Variants in CSMD1 observed in about 807,000 individuals in gnomAD.
CSMD1 encodes the protein CUB and sushi domain-containing protein 1.
A neutral mutation model predicts 417.5 loss-of-function variants in CSMD1; 213 were observed. The observed-to-expected ratio is 0.51, with a 90% CI of 0.46 to 0.57. CSMD1 has a LOEUF of 0.57. CSMD1 is among the 20% of genes least tolerant of loss of function. The pLI is 0.00. For synonymous variants in CSMD1, 2,862 were observed against 1,736.8 expected, an observed-to-expected ratio of 1.65 and a Z score of -16.11; for missense variants, 6,923 against 4,529.7, an observed-to-expected ratio of 1.53 and a Z score of -15.17.
intron 7 of CSMD1, among the ~76,000 whole-genome samples, chr8:3,653,987 G>C (rs551210381): frequency 2.0e-5 from 3 of 152,142 alleles, no homozygotes; most frequent in Admixed American, 1.3e-4. Context: ...AATGTGATTT[G>C]AACTTGGATC....
chr8:4,420,151 G>C (rs760181702), intron 2 of CSMD1, 86 bp from the exon 3 acceptor site: 8 of 847,806 alleles, frequency 9.4e-6, no homozygotes, highest in East Asian at 2.7e-5. Flanking sequence ...TGAATAACTT[G>C]AACAGTGGTA....
At chr8:3,464,388 C>T (rs1037253057) in intron 12 of CSMD1, among the ~76,000 whole-genome samples, 1 of 152,000 alleles carries the variant, frequency 6.6e-6, no homozygotes, top group African/African-American at 2.4e-5. Context: ...ATGAGGGAAC[C>T]CAACTTTCAA....
intron 26 of CSMD1, among the ~76,000 whole-genome samples, chr8:3,275,118 G>GGCCT (rs1802179250): frequency 6.6e-6 from 1 of 152,064 alleles, no homozygotes; most frequent in South Asian, 2.1e-4. Flanking sequence ...TGTTAGTGAA[G>GGCCT]GCCTGGTAGT....
intron 2 of CSMD1, among the ~76,000 whole-genome samples, chr8:4,464,598 T>G (rs1410090709): frequency 6.6e-6 from 1 of 152,174 alleles, no homozygotes; most frequent in South Asian, 2.1e-4. Flanking sequence ...CTGAACGTGT[T>G]ATTACTTTCA....
At chr8:3,752,636 A>AACTC (rs1797403184) in intron 6 of CSMD1, among the ~76,000 whole-genome samples, 5 of 146,630 alleles carry the variant, frequency 3.4e-5, no homozygotes, top group Non-Finnish European at 7.4e-5. Flanking sequence ...CCCAGACAAC[A>AACTC]GAGCAAGACT....
At chr8:4,160,733 C>T (rs1797107535) in intron 3 of CSMD1, among the ~76,000 whole-genome samples, 1 of 152,200 alleles carries the variant, frequency 6.6e-6, no homozygotes, top group Admixed American at 6.5e-5. Context: ...CAATTATTTT[C>T]TATAAGGTGA....
intron 55 of CSMD1, among the ~76,000 whole-genome samples, chr8:2,976,761 T>C (rs1248676666): frequency 6.6e-6 from 1 of 152,234 alleles, no homozygotes; most frequent in Non-Finnish European, 1.5e-5. Flanking sequence ...CACCTTTTCC[T>C]AAATCTTCAG....
chr8:4,841,826 G>GCTTGAACCTGGGAGGTGGAGGTTA (rs1800851308), intron 1 of CSMD1, among the ~76,000 whole-genome samples: 1 of 142,086 alleles, frequency 7.0e-6, no homozygotes, highest in Non-Finnish European at 1.5e-5. Context: ...CAGGAGAATC[G>GCTTGAACCTGGGAGGTGGAGGTTA]CTTGAACCTG....
intron 49 of CSMD1, among the ~76,000 whole-genome samples, chr8:3,082,601 C>T (rs768262954): frequency 1.3e-5 from 2 of 152,208 alleles, no homozygotes; most frequent in East Asian, 1.9e-4. Flanking sequence ...CAGTGCGTAA[C>T]TCAGAGCTAA....
chr8:4,401,231 G>A (rs1804625075), intron 3 of CSMD1, among the ~76,000 whole-genome samples: 1 of 152,086 alleles, frequency 6.6e-6, no homozygotes, highest in South Asian at 2.1e-4. Flanking sequence ...ATGAATTTCA[G>A]CATTGTATGC....
chr8:4,238,672 G>A (rs927814121), intron 3 of CSMD1, among the ~76,000 whole-genome samples: 1 of 152,106 alleles, frequency 6.6e-6, no homozygotes, highest in African/African-American at 2.4e-5. Flanking sequence ...AACAACCCTG[G>A]ACTATCCTTG....
At chr8:3,327,938 C>G (rs1276205761) in intron 23 of CSMD1, among the ~76,000 whole-genome samples, 2 of 152,002 alleles carry the variant, frequency 1.3e-5, no homozygotes, top group African/African-American at 4.8e-5. Flanking sequence ...TGTAAATGAC[C>G]AATGCCCTAC....
At chr8:3,905,104 G>A (rs1298738861) in intron 5 of CSMD1, among the ~76,000 whole-genome samples, 3 of 151,880 alleles carry the variant, frequency 2.0e-5, no homozygotes, top group Non-Finnish European at 2.9e-5. Flanking sequence ...GGAAACTGAG[G>A]CAATTTTAAT....
Position 3,219,251 on chromosome 8 carries a change from A to G in CSMD1, c.4672+4T>C, listed in dbSNP as rs777061722. 7 of 1,583,558 alleles carry G rather than the reference A, an allele frequency of 4.4e-6. No individual in the cohort carries two copies. Among genetic ancestry groups the G allele is most frequent in the Middle Eastern group, 1.8e-4 (1 of 5,512 alleles). ...TCCCACTCAAATTCAGGCAATCGCA[A>G]TACCTTTAAATTCAATGGCGAACCC... On this transcript the variant is annotated splice_donor_region_variant and intron_variant, in intron 29 of 69. Coordinates refer to ENST00000635120, the MANE Select transcript of CSMD1 (RefSeq NM_033225.6).
chr8:4,538,939 C>G (rs1384186178), intron 2 of CSMD1, among the ~76,000 whole-genome samples: 2 of 152,138 alleles, frequency 1.3e-5, no homozygotes, highest in East Asian at 1.9e-4. Flanking sequence ...ATGCAGAAAG[C>G]TTTATTTTTT....
chr8:4,147,760 G>A (rs1314303153), intron 3 of CSMD1, among the ~76,000 whole-genome samples: 2 of 152,076 alleles, frequency 1.3e-5, no homozygotes, highest in African/African-American at 2.4e-5. Flanking sequence ...GGCAAGCCAT[G>A]GACTTGCCAT....
chr8:4,475,258 T>C (rs1005190068), intron 2 of CSMD1, among the ~76,000 whole-genome samples: 1 of 152,178 alleles, frequency 6.6e-6, no homozygotes. Context: ...CCTCCCTCTC[T>C]CACTCCATTT....
intron 2 of CSMD1, among the ~76,000 whole-genome samples, chr8:4,451,681 C>T (rs945008538): frequency 2.0e-5 from 3 of 151,914 alleles, no homozygotes; most frequent in African/African-American, 4.8e-5. Flanking sequence ...CACTGATGAC[C>T]ATGAAATATC....
At chr8:2,959,155 C>G (rs7816885) in intron 62 of CSMD1, among the ~76,000 whole-genome samples, 44,086 of 152,108 alleles carry the variant, frequency 0.29, 8,370 homozygotes, top group African/African-American at 0.55. Flanking sequence ...CCAGAGTATA[C>G]AGCACAGTGG....
Sources: allele counts gnomAD v4.1 joint callset (sites outside exome capture counted in the v4.1 genomes callset), GRCh38; gene constraint gnomAD v4.1.1; transcripts MANE v1.5; gene names NCBI Gene and HGNC (gene_info 2026-07-23, HGNC 2026-07-21).